WNT2: variants seen among roughly 807,000 people sequenced by gnomAD.
WNT2 encodes the protein Wnt family member 2.
Under a neutral mutation model 36.9 loss-of-function variants are expected in WNT2, and 12 were observed. That is an observed-to-expected ratio of 0.33 (90% confidence interval 0.21 to 0.53). The LOEUF (loss-of-function observed/expected upper bound fraction) is 0.53, where lower values mean the gene tolerates loss of function less well. Among genes scored for constraint, WNT2 ranks in the 20% least tolerant of loss-of-function variants. The pLI, the probability that WNT2 is intolerant of heterozygous loss-of-function variation, is 0.95. For synonymous variants in WNT2, 163 were observed against 174.6 expected (o/e 0.93, Z 0.52); for missense variants, 379 against 473.1 (o/e 0.80, Z 1.84).
At position 117,292,996 on chromosome 7, in the gene WNT2, C is replaced by A. The variant is rs533246968; in HGVS notation, c.853+4616G>T. Among the ~76,000 whole-genome samples the A allele has an allele frequency of 1.9e-4, 29 of 152,194 alleles. No homozygotes were observed. In the South Asian group the frequency reaches 5.6e-3, roughly 29 times the overall value. ...GTTTGAAAAGTTTGCAGAGGCAGTG[C>A]CAGTGGACTCAGCCACTTGGGAAGC... On this transcript the variant is annotated intron_variant, in intron 4 of 4. Transcript: ENST00000265441.
At chr7:117,321,588 T>C (rs1370688585) in intron 1 of WNT2, among the ~76,000 whole-genome samples, 1 of 152,220 alleles carries the variant, frequency 6.6e-6, no homozygotes, top group Non-Finnish European at 1.5e-5. Flanking sequence ...CAAGCTGCCA[T>C]AGGTGTCTTT....
rs1360517631 is a variant in WNT2 at position 117,277,709 on chromosome 7, T to C, written c.*446A>G. On this transcript the variant is annotated 3_prime_UTR_variant, in exon 5 of 5. Coordinates refer to ENST00000265441, the MANE Select transcript of WNT2 (RefSeq NM_003391.3). ...TTAAGTCAGGGGCAGTTGATTCTGC[T>C]TTCTTTACTGTTCCCATCTGAGAGA... 2.4e-5 allele frequency: 4 copies of C among 168,850 alleles called. No homozygotes were observed. In the East Asian group the frequency reaches 6.5e-4, roughly 27 times the overall value. The allele number at this position is 168,850 out of a possible 1,614,324, so 10.5% of individuals were successfully genotyped here.
At chr7:117,278,948 G>C (rs1038306642) in intron 4 of WNT2, among the ~76,000 whole-genome samples, 2 of 152,198 alleles carry the variant, frequency 1.3e-5, no homozygotes, top group African/African-American at 4.8e-5. Flanking sequence ...ATTTGTGTGA[G>C]ACCCTGAGGA....
At chr7:117,287,745 T>G (rs892510024) in intron 4 of WNT2, among the ~76,000 whole-genome samples, 1 of 152,154 alleles carries the variant, frequency 6.6e-6, no homozygotes, top group African/African-American at 2.4e-5. Flanking sequence ...ATCAGCACTT[T>G]GGGAGGTCAA....
chr7:117,311,921 C>A (rs1195411537), intron 3 of WNT2, among the ~76,000 whole-genome samples: 1 of 152,136 alleles, frequency 6.6e-6, no homozygotes, highest in African/African-American at 2.4e-5. Context: ...GATTTGAAGT[C>A]CCATGTTCTT....
intron 3 of WNT2, among the ~76,000 whole-genome samples, chr7:117,302,123 T>C (rs1286012217): frequency 2.0e-5 from 3 of 152,076 alleles, no homozygotes; most frequent in Admixed American, 2.0e-4. Context: ...TAATCAAGAA[T>C]TGACTTAAAA....
chr7:117,310,276 C>T (rs7793701), intron 3 of WNT2, among the ~76,000 whole-genome samples: 2,207 of 152,204 alleles, frequency 0.015, 53 homozygotes, highest in African/African-American at 0.05. Context: ...GTATTTGAGA[C>T]TCTCCAGGCT....
Position 117,287,066 on chromosome 7 carries a change from C to T in WNT2, c.854-8682G>A, listed in dbSNP as rs1794594762. ...ACTGTTTCCTCATAAGAGTTACTCTCGGCCGGGCACGGTGGCTCACACCTG... is the reference window on the plus strand; with the variant it reads ...ACTGTTTCCTCATAAGAGTTACTCTTGGCCGGGCACGGTGGCTCACACCTG... On this transcript the variant is annotated intron_variant, in intron 4 of 4. Transcript: ENST00000265441. Among the ~76,000 whole-genome samples, 5 of 152,250 alleles carry T rather than the reference C, an allele frequency of 3.3e-5. No homozygotes were observed. The South Asian group carries it at 1.0e-3, about 32-fold the overall frequency.
At chr7:117,281,597 T>G (rs2116324913) in intron 4 of WNT2, among the ~76,000 whole-genome samples, 1 of 152,238 alleles carries the variant, frequency 6.6e-6, no homozygotes, top group African/African-American at 2.4e-5. Flanking sequence ...GTGGTGGACC[T>G]GTCTAGACCT....
chr7:117,300,156 A>T (rs886613953), intron 3 of WNT2, among the ~76,000 whole-genome samples: 4 of 146,238 alleles, frequency 2.7e-5, no homozygotes, highest in Non-Finnish European at 5.9e-5. Context: ...GGAGTCTTGT[A>T]AAAAAAAAGT....
chr7:117,320,905 T>G, intron 1 of WNT2, 112 bp from the exon 2 acceptor site: 1 of 927,110 alleles, frequency 1.1e-6, no homozygotes, highest in Non-Finnish European at 1.6e-6. Flanking sequence ...GAATTCCTTA[T>G]CCTTCTGGTG....
chr7:117,320,635 C>G lies in WNT2; in HGVS notation c.242G>C (p.Arg81Pro). Residue 81 changes from arginine (R) to proline (P), a missense_variant, in exon 2 of 5, where the codon CGC (arginine) becomes CCC (proline). Transcript: ENST00000265441. ...GGTGTTGCAATTCCAGCGGTGCTGGCGGAACTGGTGCTGGCATTCTGCTGT... is the reference window on the plus strand; with the variant it reads ...GGTGTTGCAATTCCAGCGGTGCTGGGGGAACTGGTGCTGGCATTCTGCTGT... ...EWTAECQHQFRQHRWNCNTLD... is the reference protein window; with the variant it reads ...EWTAECQHQFPQHRWNCNTLD... The G allele has an allele frequency of 1.9e-6, 3 of 1,613,934 alleles. No individual in the cohort carries two copies. The highest frequency in any genetic ancestry group is 2.5e-6 in the Non-Finnish European group (3 of 1,179,936).
chr7:117,304,860 T>G (rs1470489906), intron 3 of WNT2, among the ~76,000 whole-genome samples: 1 of 152,250 alleles, frequency 6.6e-6, no homozygotes, highest in Non-Finnish European at 1.5e-5. Flanking sequence ...AGGAAGAAAT[T>G]CCATCAGAGT....
chr7:117,306,152 T>C (rs1795011088), intron 3 of WNT2, among the ~76,000 whole-genome samples: 1 of 152,242 alleles, frequency 6.6e-6, no homozygotes, highest in Non-Finnish European at 1.5e-5. Context: ...AGAAATTCAT[T>C]TAGCTCTTTC....
chr7:117,305,631 C>G (rs944862899), intron 3 of WNT2, among the ~76,000 whole-genome samples: 1 of 152,004 alleles, frequency 6.6e-6, no homozygotes, highest in Non-Finnish European at 1.5e-5. Flanking sequence ...GCTTGTGGAC[C>G]AAAAAATATT....
Position 117,322,817 on chromosome 7 carries a change from C to G in WNT2, c.83+90G>C. ...CCAGAATCCGAGACTGCTGCGGCCG[C>G]GGGGGAACGCAGCCAGGAAGGGTCT... On this transcript the variant is annotated intron_variant, in intron 1 of 4. Transcript: ENST00000265441. This position sits in a 1 kb window ranked among gnomAD's most constrained non-coding sequence, Gnocchi z 5.4. The G allele has an allele frequency of 7.3e-7, 1 of 1,365,778 alleles. No individual in the cohort carries two copies. The highest frequency in any genetic ancestry group is 1.0e-6 in the Non-Finnish European group (1 of 966,224). The allele number at this position is 1,365,778 out of a possible 1,614,324, so 84.6% of individuals were successfully genotyped here.
At chr7:117,318,379 C>T (rs1188190705) in intron 2 of WNT2, among the ~76,000 whole-genome samples, 1 of 152,182 alleles carries the variant, frequency 6.6e-6, no homozygotes. Context: ...CAAGAGTTTG[C>T]ATAAATGTCT....
At chr7:117,321,954 A>G (rs559296024) in intron 1 of WNT2, 1 of 152,338 alleles carries the variant, frequency 6.6e-6, no homozygotes, top group Non-Finnish European at 1.5e-5. Flanking sequence ...TCCCTGCTCT[A>G]GTCTGTAATT....
chr7:117,283,953 GC>G (rs1794539172), intron 4 of WNT2, among the ~76,000 whole-genome samples: 2 of 152,248 alleles, frequency 1.3e-5, no homozygotes, highest in Non-Finnish European at 2.9e-5. Flanking sequence ...GCTGTGACGG[GC>G]CCCCATGAGG....
Sources: gnomAD v4.1 joint callset for allele counts (sites outside exome capture counted in the v4.1 genomes callset) on GRCh38, gnomAD v4.1.1 for gene constraint, Gnocchi (gnomAD v3.1) non-coding constraint, MANE v1.5 for transcripts, NCBI Gene and HGNC (gene_info 2026-07-23, HGNC 2026-07-21) for gene names.